Variants in CADM2 observed in about 807,000 individuals in gnomAD.
The protein encoded by CADM2 is cell adhesion molecule 2.
In CADM2, 12 loss-of-function variants were observed where a neutral mutation model predicts 49.8. The ratio of observed to expected loss-of-function variants is 0.24; its 90% CI spans 0.15 to 0.39. CADM2 has a LOEUF of 0.39. Among genes scored for constraint, CADM2 ranks in the 10% least tolerant of loss-of-function variants. The pLI, the probability that CADM2 is intolerant of heterozygous loss-of-function variation, is 1.00. For synonymous variants in CADM2, 214 were observed against 175.4 expected, an observed-to-expected ratio of 1.22 and a Z score of -1.74; for missense variants, 378 against 492.3, an observed-to-expected ratio of 0.77 and a Z score of 2.20.
At chr3:85,965,826 A>G (rs1445777751) in intron 8 of CADM2, among the ~76,000 whole-genome samples, 1 of 151,654 alleles carries the variant, frequency 6.6e-6, no homozygotes, top group African/African-American at 2.4e-5. Flanking sequence ...GGGAATGACC[A>G]ATGGTATTAT....
intron 7 of CADM2, 81 bp from the exon 8 acceptor site, chr3:85,961,388 A>G: frequency 8.3e-7 from 1 of 1,200,794 alleles, no homozygotes; most frequent in East Asian, 2.5e-5. Context: ...CATGTTAAAT[A>G]TTAAAAAATT....
At chr3:85,738,088 C>T (rs2068220772) in intron 2 of CADM2, among the ~76,000 whole-genome samples, 1 of 152,092 alleles carries the variant, frequency 6.6e-6, no homozygotes, top group African/African-American at 2.4e-5. Context: ...TACACCTCAG[C>T]CAGAAGTTAT....
chr3:86,065,662 T>G lies in CADM2; in HGVS notation c.1028T>G (p.Val343Gly). The G allele has an allele frequency of 6.2e-7, 1 of 1,614,040 alleles. No individual in the cohort carries two copies. Among genetic ancestry groups the G allele is most frequent in the Non-Finnish European group, 8.5e-7 (1 of 1,179,948 alleles). ...GACCATGCTCTCATAGGAGGAATAG[T>G]GGCTGTAGTTGTATTTGTCACGCTG... ...GPDHALIGGIVAVVVFVTLCS... is the reference protein window; with the variant it reads ...GPDHALIGGIGAVVVFVTLCS... The change falls in exon 9 of 10, where the codon GTG becomes GGG. Residue 343 changes from valine (V) to glycine (G), a missense_variant. Transcript: ENST00000383699.
At chr3:85,368,089 AAGAT>A (rs1337937492) in intron 1 of CADM2, among the ~76,000 whole-genome samples, 10 of 152,090 alleles carry the variant, frequency 6.6e-5, no homozygotes, top group Admixed American at 5.9e-4. Flanking sequence ...CCCCTTAGCA[AAGAT>A]ATCTTTCCAA....
intron 3 of CADM2, among the ~76,000 whole-genome samples, chr3:85,823,910 A>G (rs1304342598): frequency 6.6e-6 from 1 of 152,148 alleles, no homozygotes. Flanking sequence ...GTCAATATAT[A>G]GGCAGAAAAA....
chr3:85,749,648 G>A (rs2068781664), intron 2 of CADM2, among the ~76,000 whole-genome samples: 1 of 151,998 alleles, frequency 6.6e-6, no homozygotes, highest in South Asian at 2.1e-4. Context: ...GTGTATTTGT[G>A]TTGTGTGACT....
Position 85,169,285 on chromosome 3 carries a change from C to T in CADM2, c.61+209617C>T, listed in dbSNP as rs578121604. 9.9e-5 allele frequency among the ~76,000 whole-genome samples: 15 copies of T among 152,160 alleles called. No individual in the cohort carries two copies. The South Asian group carries it at 2.1e-3, about 21-fold the overall frequency. ...CTGGGATTACAGGCATGAGCCACTGCGCCTGACCAATATTTAGTAAAGTTT... is the reference window on the plus strand; with the variant it reads ...CTGGGATTACAGGCATGAGCCACTGTGCCTGACCAATATTTAGTAAAGTTT... On this transcript the variant is annotated intron_variant, in intron 1 of 9. Transcript: ENST00000383699.
chr3:85,981,222 T>TAC (rs796365506), intron 8 of CADM2, among the ~76,000 whole-genome samples: 4 of 151,450 alleles, frequency 2.6e-5, no homozygotes, highest in African/African-American at 9.7e-5. Context: ...ATTTCAAACC[T>TAC]ACACACACAC....
intron 1 of CADM2, among the ~76,000 whole-genome samples, chr3:85,183,630 T>G (rs536785065): frequency 9.2e-5 from 14 of 152,120 alleles, no homozygotes; most frequent in Non-Finnish European, 1.2e-4. Context: ...ATGTTTAGAT[T>G]TGAAGTAACC....
intron 1 of CADM2, among the ~76,000 whole-genome samples, chr3:84,984,638 A>G (rs1365781151): frequency 6.6e-6 from 1 of 151,840 alleles, no homozygotes; most frequent in Non-Finnish European, 1.5e-5. Context: ...TTTCCCTTCT[A>G]TGAAAAGCTC....
At chr3:85,084,837 A>T (rs1419478996) in intron 1 of CADM2, among the ~76,000 whole-genome samples, 2 of 151,804 alleles carry the variant, frequency 1.3e-5, no homozygotes, top group Non-Finnish European at 2.9e-5. Context: ...GTTGCTCTTG[A>T]TTTTTTCTTT....
chr3:85,423,866 A>T (rs928176524), intron 1 of CADM2, among the ~76,000 whole-genome samples: 18 of 152,158 alleles, frequency 1.2e-4, no homozygotes, highest in Non-Finnish European at 2.4e-4. Context: ...GGTCCCAAAC[A>T]ATTACTTTCC....
rs117807339 is a variant in CADM2 at position 85,927,781 on chromosome 3, A to G, written c.701-7986A>G. On this transcript the variant is annotated intron_variant, in intron 6 of 9. Transcript: ENST00000383699. ...ATAACAGGTTAAGTGTTGATTTTAT[A>G]TAACCTTAAATTTCTATTATACTTA... is the stretch of plus-strand genomic sequence containing the variant. 1.1e-3 allele frequency among the ~76,000 whole-genome samples: 162 copies of G among 152,292 alleles called. 4 individuals carry two copies. The East Asian group carries it at 0.03, about 28-fold the overall frequency.
intron 1 of CADM2, among the ~76,000 whole-genome samples, chr3:85,387,354 CATTA>C (rs770653491): frequency 4.7e-4 from 71 of 152,150 alleles, no homozygotes; most frequent in Non-Finnish European, 9.4e-4. Flanking sequence ...TTATACATCT[CATTA>C]ATTCTGTTAA....
chr3:85,252,101 G>A (rs897801574), intron 1 of CADM2, among the ~76,000 whole-genome samples: 3 of 151,936 alleles, frequency 2.0e-5, no homozygotes, highest in Non-Finnish European at 4.4e-5. Context: ...TCCATAATGA[G>A]AGAAGTAAGC....
At chr3:85,490,164 A>G (rs2039612833) in intron 1 of CADM2, among the ~76,000 whole-genome samples, 2 of 152,070 alleles carry the variant, frequency 1.3e-5, no homozygotes, top group Non-Finnish European at 2.9e-5. Flanking sequence ...TCTCGCAGAA[A>G]TCATATGAGT....
chr3:85,275,951 T>A (rs2043346801), intron 1 of CADM2, among the ~76,000 whole-genome samples: 1 of 151,246 alleles, frequency 6.6e-6, no homozygotes, highest in Non-Finnish European at 1.5e-5. Flanking sequence ...ATTATTGGTA[T>A]TTCTGAAGAA....
intron 7 of CADM2, among the ~76,000 whole-genome samples, chr3:85,948,581 A>G (rs759346274): frequency 5.9e-5 from 9 of 151,524 alleles, no homozygotes; most frequent in Admixed American, 2.6e-4. Flanking sequence ...ACTTACTCAA[A>G]AAAATACATC....
chr3:85,727,624 A>G (rs1331775143), intron 2 of CADM2, among the ~76,000 whole-genome samples: 1 of 152,184 alleles, frequency 6.6e-6, no homozygotes, highest in Non-Finnish European at 1.5e-5. Flanking sequence ...ATAAATGTAT[A>G]AGCACAATAT....
Sources: gnomAD v4.1 joint callset for allele counts (sites outside exome capture counted in the v4.1 genomes callset) on GRCh38, gnomAD v4.1.1 for gene constraint, MANE v1.5 for transcripts, NCBI Gene and HGNC (gene_info 2026-07-23, HGNC 2026-07-21) for gene names.